MALRD1: variants seen among roughly 807,000 people sequenced by gnomAD.
MALRD1 encodes MAM and LDL receptor class A domain containing 1.
MALRD1 carries 247 observed loss-of-function variants against 242.1 expected under a neutral mutation model. The ratio of observed to expected loss-of-function variants is 1.02; its 90% CI spans 0.92 to 1.13. The LOEUF is 1.13. Among genes scored for constraint, MALRD1 ranks in the 50% most tolerant of loss-of-function variants. MALRD1 has a pLI of 0.00. For missense variants in MALRD1, 2,989 were observed against 2,533.1 expected (o/e 1.18, Z -3.86); for synonymous variants, 995 against 866.6 (o/e 1.15, Z -2.60).
At chr10:19,452,294 C>G (rs1455047317) in intron 29 of MALRD1, among the ~76,000 whole-genome samples, 3 of 152,164 alleles carry the variant, frequency 2.0e-5, no homozygotes, top group African/African-American at 4.8e-5. Flanking sequence ...AGTCTGCACT[C>G]TTTCTTCCCT....
At chr10:19,379,654 A>G (rs1845754254) in intron 26 of MALRD1, among the ~76,000 whole-genome samples, 1 of 152,190 alleles carries the variant, frequency 6.6e-6, no homozygotes, top group Non-Finnish European at 1.5e-5. Context: ...ACTCTGCATG[A>G]TTTTAATTCT....
intron 28 of MALRD1, among the ~76,000 whole-genome samples, chr10:19,415,459 T>C (rs1833479423): frequency 6.6e-6 from 1 of 152,200 alleles, no homozygotes; most frequent in Non-Finnish European, 1.5e-5. Context: ...TCTTCATAAA[T>C]AATGTGTTAT....
intron 18 of MALRD1, among the ~76,000 whole-genome samples, chr10:19,246,994 A>T (rs559503793): frequency 6.6e-6 from 1 of 152,152 alleles, no homozygotes; most frequent in East Asian, 1.9e-4. Flanking sequence ...AAATCCCATT[A>T]TACAAATGTG....
intron 19 of MALRD1, among the ~76,000 whole-genome samples, chr10:19,272,995 T>C (rs1410772394): frequency 6.6e-6 from 1 of 152,172 alleles, no homozygotes; most frequent in Non-Finnish European, 1.5e-5. Context: ...TAAACATATG[T>C]GTGCATGTAT....
chr10:19,226,966 T>C (rs1837827852), intron 18 of MALRD1, among the ~76,000 whole-genome samples: 1 of 152,028 alleles, frequency 6.6e-6, no homozygotes, highest in Non-Finnish European at 1.5e-5. Context: ...TAATAAAAGG[T>C]ATGCCAATCC....
At chr10:19,274,960 C>G (rs1840438103) in intron 19 of MALRD1, among the ~76,000 whole-genome samples, 1 of 151,948 alleles carries the variant, frequency 6.6e-6, no homozygotes, top group Non-Finnish European at 1.5e-5. Flanking sequence ...AATTAGAAAA[C>G]AAACATGAGA....
intron 26 of MALRD1, among the ~76,000 whole-genome samples, chr10:19,361,680 C>A (rs746956657): frequency 6.6e-6 from 1 of 152,054 alleles, no homozygotes; most frequent in African/African-American, 2.4e-5. Flanking sequence ...TATTGGTAGT[C>A]GGTTTCATGG....
At chr10:19,475,276 G>A (rs567437006) in intron 29 of MALRD1, among the ~76,000 whole-genome samples, 10 of 152,228 alleles carry the variant, frequency 6.6e-5, no homozygotes, top group African/African-American at 1.4e-4. Context: ...TTAGCCAGGC[G>A]TGGTGGTGGG....
At position 19,060,751 on chromosome 10, in the gene MALRD1, A is replaced by G. The variant is rs1834799834; in HGVS notation, c.200-5968A>G. The stretch of plus-strand genomic sequence containing the variant: ...GGTCACAGAGTAGAAGGTGAAGAAA[A>G]AAGAAAAACACTGTTTTTAAGATTT... On this transcript the variant is annotated intron_variant, in intron 1 of 39. Transcript: ENST00000454679. 2.0e-5 allele frequency among the ~76,000 whole-genome samples: 3 copies of G among 152,206 alleles called. 1 individual carries two copies. Among genetic ancestry groups the G allele is most frequent in the Admixed American group, 2.0e-4 (3 of 15,278 alleles).
chr10:19,501,988 T>C (rs773443840), intron 31 of MALRD1, among the ~76,000 whole-genome samples: 32 of 137,116 alleles, frequency 2.3e-4, no homozygotes, highest in Non-Finnish European at 3.8e-4. Context: ...GTTTACTCCA[T>C]TGCACTCCAG....
chr10:19,337,239 G>A (rs1030938442), intron 24 of MALRD1, among the ~76,000 whole-genome samples: 1 of 152,062 alleles, frequency 6.6e-6, no homozygotes, highest in African/African-American at 2.4e-5. Flanking sequence ...ATATGTGTAT[G>A]TAAAATTACA....
At chr10:19,608,252 T>C (rs148672799) in intron 35 of MALRD1, among the ~76,000 whole-genome samples, 38 of 152,214 alleles carry the variant, frequency 2.5e-4, no homozygotes, top group African/African-American at 7.7e-4. Flanking sequence ...AGTACTATTA[T>C]TTTATTTTTA....
intron 30 of MALRD1, among the ~76,000 whole-genome samples, chr10:19,492,296 A>G (rs750493679): frequency 1.3e-5 from 2 of 152,148 alleles, no homozygotes; most frequent in Non-Finnish European, 2.9e-5. Flanking sequence ...TTTCCTAGAG[A>G]ATATTGATAC....
chr10:19,469,654 T>A (rs1414126716), intron 29 of MALRD1, among the ~76,000 whole-genome samples: 1 of 152,122 alleles, frequency 6.6e-6, no homozygotes, highest in East Asian at 1.9e-4. Context: ...AATTGGGATG[T>A]TTGCTAAGAT....
chr10:19,056,524 G>A (rs577805174), intron 1 of MALRD1, among the ~76,000 whole-genome samples: 9 of 151,684 alleles, frequency 5.9e-5, no homozygotes, highest in Middle Eastern at 3.2e-3. Flanking sequence ...ATTGATTTTT[G>A]TATGTTGCTT....
chr10:19,588,737 G>T (rs530273957), intron 33 of MALRD1, among the ~76,000 whole-genome samples: 1 of 152,258 alleles, frequency 6.6e-6, no homozygotes, highest in South Asian at 2.1e-4. Flanking sequence ...CCACCTCCTG[G>T]GTTACAGTGA....
At chr10:19,666,618 T>C (rs1444089668) in intron 36 of MALRD1, among the ~76,000 whole-genome samples, 1 of 152,192 alleles carries the variant, frequency 6.6e-6, no homozygotes, top group African/African-American at 2.4e-5. Flanking sequence ...TCTTTTTACT[T>C]TTCTCCCTGA....
chr10:19,447,222 T>G (rs1310611945), intron 28 of MALRD1, among the ~76,000 whole-genome samples: 4 of 152,176 alleles, frequency 2.6e-5, no homozygotes, highest in Non-Finnish European at 5.9e-5. Context: ...GTCCCTGGCA[T>G]CTAACATAGT....
intron 32 of MALRD1, among the ~76,000 whole-genome samples, chr10:19,564,753 G>A (rs1404395992): frequency 6.6e-6 from 1 of 152,102 alleles, no homozygotes; most frequent in African/African-American, 2.4e-5. Flanking sequence ...TTTCAAGGAA[G>A]TTAGCCATTG....
Sources: allele counts gnomAD v4.1 joint callset (sites outside exome capture counted in the v4.1 genomes callset), GRCh38; gene constraint gnomAD v4.1.1; transcripts MANE v1.5; gene names NCBI Gene and HGNC (gene_info 2026-07-23, HGNC 2026-07-21).